TAL1: variants seen among roughly 807,000 people sequenced by gnomAD.
TAL1 encodes TAL bHLH transcription factor 1, erythroid differentiation factor.
A neutral mutation model predicts 17.9 loss-of-function variants in TAL1; 8 were observed. That is an observed-to-expected ratio of 0.45 (90% CI 0.26 to 0.81). TAL1 has a LOEUF of 0.81. Among genes scored for constraint, TAL1 ranks in the 30% least tolerant of loss-of-function variants. The pLI is 0.17. For missense variants in TAL1, 466 were observed against 486.9 expected (o/e 0.96, Z 0.40); for synonymous variants, 223 against 218.6 (o/e 1.02, Z -0.18).
chr1:47,218,064 A>G, exon 4 of TAL1: 1 of 283,840 alleles, frequency 3.5e-6, no homozygotes, highest in East Asian at 5.2e-5. Context: ...CATCATGGTG[A>G]GGACAAGCCA....
At position 47,218,667 on chromosome 1, in the gene TAL1, A is replaced by G. The variant is rs142806894; in HGVS notation, c.*1053T>C. On this transcript the variant is annotated 3_prime_UTR_variant, in exon 4 of 4. Transcript: ENST00000294339. ...CTATTGAGCGCTAAAGATTCCACCAATAACTGAAGTCAAGCAAAAATTCCA... is the reference window on the plus strand; with the variant it reads ...CTATTGAGCGCTAAAGATTCCACCAGTAACTGAAGTCAAGCAAAAATTCCA... 33 of 233,054 alleles carry G rather than the reference A, an allele frequency of 1.4e-4. 1 individual carries two copies. Among genetic ancestry groups the G allele is most frequent in the African/African-American group, 6.8e-4 (31 of 45,458 alleles). 14.4% of individuals were successfully genotyped at this position (233,054 alleles called of 1,614,324 possible). A position where few individuals can be genotyped will look rare whatever the true frequency, so the allele number is the denominator to read the frequency against.
chr1:47,220,201 G>C, intron 3 of TAL1, 27 bp from the exon 5 acceptor site: 1 of 1,495,764 alleles, frequency 6.7e-7, no homozygotes, highest in Non-Finnish European at 8.9e-7. Context: ...CAAGAGTTAG[G>C]AGAATGGGCT....
intron 2 of TAL1, 87 bp downstream of exon 3, chr1:47,225,356 G>T: frequency 8.5e-7 from 1 of 1,173,902 alleles, no homozygotes; most frequent in Non-Finnish European, 1.1e-6. Flanking sequence ...AGGGCAGGCC[G>T]CCGCCGATGT....
exon 4 of TAL1, chr1:47,217,700 G>C (rs1207543239): frequency 5.0e-6 from 2 of 398,626 alleles, no homozygotes; most frequent in Non-Finnish European, 8.8e-6. Flanking sequence ...CCAGAAGTTT[G>C]AGTTCTTAAT....
At position 47,220,132 on chromosome 1, in the gene TAL1, C is replaced by CGGCT; in HGVS notation, c.580_583dup (p.Arg195GlnfsTer34). On this transcript the variant is annotated frameshift_variant, in exon 4 of 4. Transcript: ENST00000294339. LOFTEE classifies it high-confidence loss of function. The stretch of plus-strand genomic sequence containing the variant: ...CACATTCTGCTGCCGCCATCGCTCC[C>CGGCT]GGCTGTTGGTGAAGATACGCCGCAC... The CGGCT allele has an allele frequency of 1.3e-6, 2 of 1,596,888 alleles. No individual in the cohort carries two copies. The highest frequency in any genetic ancestry group is 1.7e-6 in the Non-Finnish European group (2 of 1,168,902).
chr1:47,228,345 C>G (rs1019753989), intron 1 of TAL1: 9 of 181,572 alleles, frequency 5.0e-5, no homozygotes, highest in African/African-American at 1.7e-4. Context: ...AAGGAACGCC[C>G]GAGAGATTTT....
At chr1:47,225,484 C>A (rs899236346) in exon 2 of TAL1, 2 of 1,235,512 alleles carry the variant, frequency 1.6e-6, no homozygotes, top group Non-Finnish European at 2.0e-6. Flanking sequence ...TGTAGAGCAG[C>A]GCGCGGCCGG....
Position 47,225,702 on chromosome 1 carries a change from C to A in TAL1, c.187G>T (p.Gly63Cys), listed in dbSNP as rs774802803. 4.2e-5 allele frequency: 61 copies of A among 1,443,336 alleles called. No homozygotes were observed. Among genetic ancestry groups the A allele is most frequent in the Non-Finnish European group, 5.5e-5 (61 of 1,107,312 alleles). 89.4% of individuals were successfully genotyped at this position (1,443,336 alleles called of 1,614,324 possible). ...GCGGCGCCGCCCCCACCGGCAGGGCCGCCCCCCGGGCCTCCGCGCGCGCCC... is the reference window on the plus strand; with the variant it reads ...GCGGCGCCGCCCCCACCGGCAGGGCAGCCCCCCGGGCCTCCGCGCGCGCCC... Residue 63 changes from glycine (G) to cysteine (C), a missense_variant, in exon 2 of 4, where the codon GGC becomes TGC. By Grantham distance (159) the Gly-to-Cys change is radical. This residue lies in a region of TAL1 where 130 missense variants were observed against 119.5 expected (regional missense o/e 1.09). Transcript: ENST00000294339.
At chr1:47,227,096 C>G (rs1181315873) in intron 1 of TAL1, 1 of 152,220 alleles carries the variant, frequency 6.6e-6, no homozygotes, top group Non-Finnish European at 1.5e-5. Flanking sequence ...ATTCCCAGAG[C>G]AGTGAAACCA....
upstream of TAL1, chr1:47,231,034 C>A (rs1644003870): frequency 6.5e-6 from 1 of 154,220 alleles, no homozygotes; most frequent in African/African-American, 2.4e-5. Flanking sequence ...GCGGCCGCAC[C>A]CACGAAACTG....
At chr1:47,225,030 C>CA (rs1158077743) in intron 2 of TAL1, among the ~76,000 whole-genome samples, 1 of 151,932 alleles carries the variant, frequency 6.6e-6, no homozygotes, top group Non-Finnish European at 1.5e-5. Context: ...AATTTCACAC[C>CA]ACAAACATCT....
chr1:47,219,865 A>G (rs778566200), exon 4 of TAL1: 2 of 1,592,942 alleles, frequency 1.3e-6, no homozygotes, highest in African/African-American at 2.7e-5. Flanking sequence ...GGGGGAAAGC[A>G]CGTCTTGCAG....
intron 2 of TAL1, among the ~76,000 whole-genome samples, chr1:47,224,822 C>T (rs541285119): frequency 5.9e-5 from 9 of 152,332 alleles, no homozygotes; most frequent in African/African-American, 1.7e-4. Context: ...GTAGCGCCAG[C>T]AGGGAAACGG....
At chr1:47,227,860 T>C (rs545313392) in intron 1 of TAL1, 2 of 152,082 alleles carry the variant, frequency 1.3e-5, no homozygotes, top group East Asian at 3.9e-4. Flanking sequence ...CTGGGAAACA[T>C]ACAAGCTTCA....
At chr1:47,219,970 T>C in exon 4 of TAL1, 1 of 1,413,284 alleles carries the variant, frequency 7.1e-7, no homozygotes, top group Non-Finnish European at 9.4e-7. Flanking sequence ...CTGGGTGCCC[T>C]CCTCCTCCTG....
upstream of TAL1, chr1:47,232,081 G>T (rs987538512): frequency 8.7e-6 from 2 of 229,668 alleles, no homozygotes; most frequent in African/African-American, 4.4e-5. Context: ...TTTTGCGGAC[G>T]TGGGGAAAAA....
chr1:47,231,355 C>G (rs1486099566), upstream of TAL1: 4 of 205,946 alleles, frequency 1.9e-5, no homozygotes, highest in African/African-American at 9.2e-5. Context: ...GCCCTCCCCC[C>G]ACTCCCGCCC....
chr1:47,218,032 G>A (rs1645533763), exon 4 of TAL1: 1 of 319,896 alleles, frequency 3.1e-6, no homozygotes, highest in Non-Finnish European at 5.7e-6. Context: ...TTCTCTGTCT[G>A]TACATGGCTG....
chr1:47,219,894 G>GGCGCCCCC lies in TAL1; in HGVS notation c.821_822insGGGGGCGC (p.Ala275GlyfsTer173). On this transcript the variant is annotated frameshift_variant, in exon 4 of 4. Coordinates refer to ENST00000294339, the Ensembl canonical transcript of TAL1. LOFTEE classifies it high-confidence loss of function. ...CTTGCAGGAGGTCATCTGGGGGCGC[G>GGCGCCCCC]CCGCCCCCTCCCCCACCTCCACCCC... is the stretch of plus-strand genomic sequence containing the variant. 1.3e-6 allele frequency: 2 copies of GGCGCCCCC among 1,556,028 alleles called. No homozygotes were observed. The highest frequency in any genetic ancestry group is 1.7e-6 in the Non-Finnish European group (2 of 1,149,572).
Sources: allele counts gnomAD v4.1 joint callset (sites outside exome capture counted in the v4.1 genomes callset), GRCh38; gene constraint gnomAD v4.1.1; regional missense constraint gnomAD v4.1.1; transcripts MANE v1.5; gene names NCBI Gene and HGNC (gene_info 2026-07-23, HGNC 2026-07-21).